Variants in CSMD1 observed in about 807,000 individuals in gnomAD.
The protein encoded by CSMD1 is CUB and sushi domain-containing protein 1.
Under a neutral mutation model 417.5 loss-of-function variants are expected in CSMD1, and 213 were observed. That is an observed-to-expected ratio of 0.51 (90% CI 0.46 to 0.57). The LOEUF is 0.57. CSMD1 is among the 20% of genes least tolerant of loss of function. The probability of loss-of-function intolerance (pLI) is 0.00; values close to 1 mark genes in which losing one functional copy is unlikely to be tolerated. For missense variants in CSMD1, 6,923 were observed against 4,529.7 expected, an observed-to-expected ratio of 1.53 and a Z score of -15.17; for synonymous variants, 2,862 against 1,736.8, an observed-to-expected ratio of 1.65 and a Z score of -16.11.
chr8:4,268,448 G>GA (rs1309487986), intron 3 of CSMD1, among the ~76,000 whole-genome samples: 9 of 152,174 alleles, frequency 5.9e-5, no homozygotes, highest in African/African-American at 1.4e-4. Context: ...CAGCAAGTCT[G>GA]AGGTACTGAA....
chr8:4,179,049 A>C (rs182550665), intron 3 of CSMD1, among the ~76,000 whole-genome samples: 27 of 152,288 alleles, frequency 1.8e-4, no homozygotes, highest in African/African-American at 6.5e-4. Context: ...GCTACCAATG[A>C]CTTTCTTCAC....
At chr8:3,723,428 G>C (rs1802298860) in intron 6 of CSMD1, among the ~76,000 whole-genome samples, 1 of 152,170 alleles carries the variant, frequency 6.6e-6, no homozygotes, top group South Asian at 2.1e-4. Flanking sequence ...ACTCAAGGAG[G>C]GTGCATTATC....
chr8:4,519,041 G>C (rs1287351308), intron 2 of CSMD1, among the ~76,000 whole-genome samples: 2 of 152,010 alleles, frequency 1.3e-5, no homozygotes, highest in Admixed American at 6.5e-5. Context: ...CTTATGGCTA[G>C]TTTTTTCACA....
At chr8:3,695,242 G>C (rs552949213) in intron 7 of CSMD1, among the ~76,000 whole-genome samples, 2 of 152,158 alleles carry the variant, frequency 1.3e-5, no homozygotes, top group Admixed American at 1.3e-4. Flanking sequence ...GAAGACTTTG[G>C]AACATGGGCA....
chr8:4,040,818 G>A (rs12114678), intron 3 of CSMD1, among the ~76,000 whole-genome samples: 3,583 of 152,178 alleles, frequency 0.024, 161 homozygotes, highest in African/African-American at 0.081. Flanking sequence ...AATAGCACGT[G>A]AAAGACTTTA....
At chr8:3,520,020 C>CATATATATATATATATATATA (rs1563116097) in intron 10 of CSMD1, among the ~76,000 whole-genome samples, 6 of 137,586 alleles carry the variant, frequency 4.4e-5, no homozygotes, top group African/African-American at 1.8e-4. Flanking sequence ...GTGTATATAC[C>CATATATATATATATATATATA]TATATATATA....
chr8:3,611,179 A>G (rs1790335719), intron 8 of CSMD1, among the ~76,000 whole-genome samples: 3 of 152,008 alleles, frequency 2.0e-5, no homozygotes, highest in South Asian at 4.1e-4. Flanking sequence ...ACATGTATAC[A>G]TACGTAACTA....
At chr8:3,770,583 C>T (rs1292197658) in intron 5 of CSMD1, among the ~76,000 whole-genome samples, 1 of 152,054 alleles carries the variant, frequency 6.6e-6, no homozygotes, top group East Asian at 1.9e-4. Flanking sequence ...ATTAAGAGGC[C>T]TGTCGCACAT....
intron 5 of CSMD1, among the ~76,000 whole-genome samples, chr8:3,889,460 T>C (rs1806797042): frequency 1.2e-5 from 1 of 82,242 alleles, no homozygotes; most frequent in South Asian, 4.7e-4. Context: ...TCCATATATA[T>C]ATATATATAT....
chr8:4,031,488 A>T (rs552393734), intron 4 of CSMD1, among the ~76,000 whole-genome samples: 2 of 152,270 alleles, frequency 1.3e-5, no homozygotes, highest in African/African-American at 2.4e-5. Flanking sequence ...TACCCCCATG[A>T]TTCAATTACC....
chr8:3,959,311 A>C (rs1162374220), intron 5 of CSMD1, among the ~76,000 whole-genome samples: 53 of 152,206 alleles, frequency 3.5e-4, no homozygotes, highest in Non-Finnish European at 1.5e-5. Flanking sequence ...AGCCTGGGCA[A>C]CATGGCAAAA....
chr8:3,934,711 C>T (rs941892916), intron 5 of CSMD1, among the ~76,000 whole-genome samples: 2 of 151,826 alleles, frequency 1.3e-5, no homozygotes, highest in East Asian at 1.9e-4. Context: ...AAAATTTAGC[C>T]GGGCATGGTG....
At chr8:4,492,191 G>A (rs986841310) in intron 2 of CSMD1, among the ~76,000 whole-genome samples, 2 of 152,178 alleles carry the variant, frequency 1.3e-5, no homozygotes, top group African/African-American at 4.8e-5. Flanking sequence ...CTGACTTCAA[G>A]GGATCTGCCC....
intron 1 of CSMD1, among the ~76,000 whole-genome samples, chr8:4,847,270 G>A (rs997311575): frequency 5.9e-5 from 9 of 152,130 alleles, no homozygotes; most frequent in Non-Finnish European, 1.3e-4. Flanking sequence ...TAGCACTTTA[G>A]AATCTCAAAG....
At chr8:3,914,139 T>G (rs1056251233) in intron 5 of CSMD1, among the ~76,000 whole-genome samples, 3 of 152,080 alleles carry the variant, frequency 2.0e-5, no homozygotes, top group Non-Finnish European at 4.4e-5. Flanking sequence ...GAATAGAGTA[T>G]GATGAGAAAA....
intron 27 of CSMD1, among the ~76,000 whole-genome samples, chr8:3,226,853 A>T (rs1488582561): frequency 6.6e-6 from 1 of 152,162 alleles, no homozygotes; most frequent in Non-Finnish European, 1.5e-5. Flanking sequence ...GTAATGAGTA[A>T]ATATACTCTA....
At chr8:4,221,316 C>A (rs545582006) in intron 3 of CSMD1, among the ~76,000 whole-genome samples, 2 of 151,504 alleles carry the variant, frequency 1.3e-5, no homozygotes, top group South Asian at 4.2e-4. Flanking sequence ...CATGGACTTA[C>A]CACTTCTTGC....
At chr8:3,452,959 G>C (rs1243243340) in intron 12 of CSMD1, among the ~76,000 whole-genome samples, 1 of 152,080 alleles carries the variant, frequency 6.6e-6, no homozygotes, top group Non-Finnish European at 1.5e-5. Flanking sequence ...GACTTTTTTT[G>C]GTTGGTAAGC....
At chr8:4,283,799 C>T (rs1396983639) in intron 3 of CSMD1, among the ~76,000 whole-genome samples, 5 of 152,032 alleles carry the variant, frequency 3.3e-5, no homozygotes, top group African/African-American at 9.7e-5. Flanking sequence ...AAAAAAAAAT[C>T]CGCTTTACCC....
Sources: gnomAD v4.1 joint callset for allele counts (sites outside exome capture counted in the v4.1 genomes callset) on GRCh38, gnomAD v4.1.1 for gene constraint, MANE v1.5 for transcripts, NCBI Gene and HGNC (gene_info 2026-07-23, HGNC 2026-07-21) for gene names.